The following PKHD1 variants were observed in gnomAD, a reference collection of about 807,000 sequenced individuals.
PKHD1 encodes PKHD1 ciliary IPT domain containing fibrocystin/polyductin, also known as fibrocystin.
Under a neutral mutation model 412.0 loss-of-function variants are expected in PKHD1, and 291 were observed. The ratio of observed to expected loss-of-function variants is 0.71; its 90% CI spans 0.64 to 0.78. The LOEUF (loss-of-function observed/expected upper bound fraction) is 0.78. Among genes scored for constraint, PKHD1 ranks in the 30% least tolerant of loss-of-function variants. The probability of loss-of-function intolerance (pLI) is 0.00; values close to 1 mark genes in which losing one functional copy is unlikely to be tolerated. For synonymous variants in PKHD1, 1,777 were observed against 1,821.5 expected (o/e 0.98, Z 0.62); for missense variants, 4,825 against 4,950.7 (o/e 0.97, Z 0.76).
Position 51,847,989 on chromosome 6 carries a change from C to A in PKHD1, c.7912-19G>T. ...CTGAGTACTTGAAGTGAAAGAAAAA[C>A]ACAATAGTGCTCATTTAGTAAGGAA... is the stretch of plus-strand genomic sequence containing the variant. On this transcript the variant is annotated intron_variant, in intron 49 of 66. Coordinates refer to ENST00000371117, the MANE Select transcript of PKHD1 (RefSeq NM_138694.4). 1 of 1,561,822 alleles carries A rather than the reference C, an allele frequency of 6.4e-7. No homozygotes were observed.
chr6:51,902,642 G>A (rs1217943885), intron 43 of PKHD1, among the ~76,000 whole-genome samples: 1 of 152,148 alleles, frequency 6.6e-6, no homozygotes, highest in Non-Finnish European at 1.5e-5. Flanking sequence ...CATAGTGGAT[G>A]CTGAGAGGAG....
chr6:52,021,124 G>C lies in PKHD1; in HGVS notation c.5380+1677C>G, dbSNP rs149454789. Among the ~76,000 whole-genome samples, 1,414 of 152,280 alleles carry C rather than the reference G, an allele frequency of 9.3e-3. 15 individuals are homozygous for C. The highest frequency in any genetic ancestry group is 0.032 in the African/African-American group (1,343 of 41,550). ...ATTAGTTAAATTATGCATTCCTCTA[G>C]AGTAAATGTGTGCCTTGCACAATCA... On this transcript the variant is annotated intron_variant, in intron 33 of 66. Transcript: ENST00000371117.
At chr6:52,031,649 T>A (rs1029859898) in intron 29 of PKHD1, among the ~76,000 whole-genome samples, 1 of 152,196 alleles carries the variant, frequency 6.6e-6, no homozygotes, top group Non-Finnish European at 1.5e-5. Context: ...GCACTCCCCA[T>A]CCTTGGTCCC....
intron 35 of PKHD1, among the ~76,000 whole-genome samples, chr6:51,961,598 G>A (rs766767893): frequency 2.0e-5 from 3 of 151,970 alleles, no homozygotes; most frequent in Non-Finnish European, 4.4e-5. Flanking sequence ...TTCTTATAAG[G>A]CTATATATAT....
chr6:52,030,703 G>A (rs2128158642), intron 29 of PKHD1, among the ~76,000 whole-genome samples: 1 of 151,914 alleles, frequency 6.6e-6, no homozygotes, highest in East Asian at 1.9e-4. Context: ...GAGAGAGGGG[G>A]GTTCTGTGTC....
intron 47 of PKHD1, 30 bp from the exon 48 acceptor site, chr6:51,868,139 C>T: frequency 1.3e-6 from 2 of 1,577,800 alleles, no homozygotes; most frequent in South Asian, 2.2e-5. Context: ...AAGATTATTA[C>T]ACAATGGCAC....
intron 60 of PKHD1, among the ~76,000 whole-genome samples, chr6:51,710,152 G>A (rs1366798801): frequency 6.6e-6 from 1 of 152,088 alleles, no homozygotes; most frequent in African/African-American, 2.4e-5. Context: ...AGAGGTTCCC[G>A]TGAGCCAAGA....
Position 52,056,800 on chromosome 6 carries a change from G to GA in PKHD1, c.1603-13dup, listed in dbSNP as rs748577508. On this transcript the variant is annotated splice_polypyrimidine_tract_variant and intron_variant, in intron 17 of 66. Transcript: ENST00000371117. ...ATGGTTGTTTGAATCTATTACAAAGGAAAAAAATGCCAGGAATTTATATCA... is the reference window on the plus strand; with the variant it reads ...ATGGTTGTTTGAATCTATTACAAAGGAAAAAAAATGCCAGGAATTTATATCA... The GA allele has an allele frequency of 4.4e-6, 7 of 1,605,876 alleles. No homozygotes were observed. Among genetic ancestry groups the GA allele is most frequent in the Non-Finnish European group, 5.1e-6 (6 of 1,172,722 alleles).
chr6:51,871,839 A>G (rs1454935116), intron 46 of PKHD1, among the ~76,000 whole-genome samples: 4 of 118,178 alleles, frequency 3.4e-5, no homozygotes, highest in African/African-American at 1.1e-4. Context: ...GAATTTTTGC[A>G]ATCACTCCCA....
At chr6:51,753,738 T>C (rs1022621156) in intron 56 of PKHD1, among the ~76,000 whole-genome samples, 4 of 152,124 alleles carry the variant, frequency 2.6e-5, no homozygotes, top group African/African-American at 9.7e-5. Flanking sequence ...ACCTCTTTCA[T>C]GAGAGTGAGG....
At chr6:52,079,841 A>G (rs1401271704) in intron 5 of PKHD1, 59 bp downstream of exon 5, 1 of 1,006,330 alleles carries the variant, frequency 9.9e-7, no homozygotes, top group East Asian at 2.4e-5. Context: ...TTGCCTTTCA[A>G]TAACACAAGC....
chr6:51,849,895 T>C (rs1771881682), intron 49 of PKHD1, among the ~76,000 whole-genome samples: 1 of 152,238 alleles, frequency 6.6e-6, no homozygotes, highest in Non-Finnish European at 1.5e-5. Context: ...CTCTTTAGTT[T>C]AATTAGATCC....
intron 66 of PKHD1, among the ~76,000 whole-genome samples, chr6:51,619,876 C>A (rs751843609): frequency 6.6e-6 from 1 of 152,160 alleles, no homozygotes; most frequent in Non-Finnish European, 1.5e-5. Context: ...CCAACTCACA[C>A]CTGTGTTAAG....
In PKHD1 at chr6:51,619,359, C is replaced by G; in HGVS notation, c.11947G>C (p.Ala3983Pro). Residue 3983 changes from alanine to proline, a missense_variant, in exon 67 of 67, where the codon GCT becomes CCT. Ala to Pro is a conservative substitution (Grantham distance 27, BLOSUM62 -1). Transcript: ENST00000371117. ...ACCTGCTGAGCAGGAGCACCTGGAGCACAGATGTGCCCATGGGATGTGATG... is the reference window on the plus strand; with the variant it reads ...ACCTGCTGAGCAGGAGCACCTGGAGGACAGATGTGCCCATGGGATGTGATG... ...TGITSHGHIC[A>P]PGAPAQQVYL... 1 of 1,614,208 alleles carries G rather than the reference C, an allele frequency of 6.2e-7. No individual in the cohort carries two copies. Among genetic ancestry groups the G allele is most frequent in the Non-Finnish European group, 8.5e-7 (1 of 1,180,012 alleles).
chr6:51,809,582 C>T (rs1035485496), intron 52 of PKHD1, among the ~76,000 whole-genome samples: 1 of 151,990 alleles, frequency 6.6e-6, no homozygotes, highest in Non-Finnish European at 1.5e-5. Flanking sequence ...TTTAACTAGG[C>T]TTACTTGAAT....
chr6:51,808,308 C>T (rs1392827265), intron 52 of PKHD1, among the ~76,000 whole-genome samples: 1 of 151,810 alleles, frequency 6.6e-6, no homozygotes, highest in African/African-American at 2.4e-5. Context: ...AGGAAGGAAC[C>T]AGTAACACTG....
chr6:51,928,566 G>A (rs1471628912), intron 37 of PKHD1, among the ~76,000 whole-genome samples: 1 of 151,914 alleles, frequency 6.6e-6, no homozygotes, highest in South Asian at 2.1e-4. Flanking sequence ...AGCTTGGACA[G>A]TCAGAGTGCA....
chr6:51,743,993 C>T (rs1784887480), intron 60 of PKHD1, among the ~76,000 whole-genome samples: 2 of 152,120 alleles, frequency 1.3e-5, no homozygotes, highest in Admixed American at 6.5e-5. Flanking sequence ...CGCTTTAAGT[C>T]CTGACAGAAA....
At chr6:51,826,405 T>A (rs905913239) in intron 52 of PKHD1, among the ~76,000 whole-genome samples, 1 of 152,158 alleles carries the variant, frequency 6.6e-6, no homozygotes, top group African/African-American at 2.4e-5. Flanking sequence ...GGAGGCTACA[T>A]GATATCATAT....
Sources: gnomAD v4.1 joint callset for allele counts (sites outside exome capture counted in the v4.1 genomes callset) on GRCh38, gnomAD v4.1.1 for gene constraint, MANE v1.5 for transcripts, NCBI Gene and HGNC (gene_info 2026-07-23, HGNC 2026-07-21) for gene names.